Variants in PDE1C observed in about 807,000 individuals in gnomAD.
PDE1C encodes the protein phosphodiesterase 1C, also known as dual specificity calcium/calmodulin-dependent 3',5'-cyclic nucleotide phosphodiesterase 1C.
Under a neutral mutation model 93.1 loss-of-function variants are expected in PDE1C, and 62 were observed. The observed-to-expected ratio is 0.67, with a 90% confidence interval of 0.54 to 0.82. PDE1C has a LOEUF of 0.82. Ranked by LOEUF, PDE1C falls within the 40% of genes least tolerant of loss-of-function variation. The pLI, the probability that PDE1C is intolerant of heterozygous loss-of-function variation, is 0.00. For missense variants in PDE1C, 742 were observed against 884.6 expected, an observed-to-expected ratio of 0.84 and a Z score of 2.04; for synonymous variants, 325 against 310.1, an observed-to-expected ratio of 1.05 and a Z score of -0.50.
chr7:32,177,281 C>G (rs10239506), intron 2 of PDE1C, among the ~76,000 whole-genome samples: 86,402 of 151,916 alleles, frequency 0.57, 24,809 homozygotes, highest in South Asian at 0.64. Context: ...GAGGAGAACA[C>G]GGAGAGTAAA....
chr7:31,854,266 C>A (rs574801854), intron 7 of PDE1C, among the ~76,000 whole-genome samples: 1 of 152,114 alleles, frequency 6.6e-6, no homozygotes, highest in Non-Finnish European at 1.5e-5. Flanking sequence ...GTGGGAGAAG[C>A]TATTTTGGAG....
At chr7:31,937,569 G>GT (rs1277607073) in intron 2 of PDE1C, among the ~76,000 whole-genome samples, 1 of 152,142 alleles carries the variant, frequency 6.6e-6, no homozygotes, top group East Asian at 1.9e-4. Flanking sequence ...CCAAGAGGAA[G>GT]ATCCATTCTT....
At chr7:32,125,077 CA>C (rs2128767067) in intron 3 of PDE1C, among the ~76,000 whole-genome samples, 1 of 152,184 alleles carries the variant, frequency 6.6e-6, no homozygotes, top group African/African-American at 2.4e-5. Flanking sequence ...AGACACTTTG[CA>C]AAAGAAGACA....
rs367941452 is a variant in PDE1C, at chr7:31,850,711, T to C, written c.781A>G (p.Ile261Val). The C allele has an allele frequency of 1.5e-5, 24 of 1,613,152 alleles. No individual in the cohort carries two copies. Among genetic ancestry groups the C allele is most frequent in the East Asian group, 2.2e-5 (1 of 44,842 alleles). Residue 261 changes from isoleucine (I) to valine (V), a missense_variant, in exon 8 of 18, where the codon ATA becomes GTA. Transcript: ENST00000396191. ...NWLTELEIFA[I>V]IFSAAIHDYE... ...TCATGGATGGCAGCTGAGAAGATTA[T>C]AGCAAAGATCTCCAGCTCCGTCAGC...
intron 2 of PDE1C, among the ~76,000 whole-genome samples, chr7:31,997,019 G>C (rs1485675536): frequency 6.6e-6 from 1 of 152,122 alleles, no homozygotes; most frequent in Non-Finnish European, 1.5e-5. Flanking sequence ...CAGAAAGATA[G>C]GTCTCTCTGG....
intron 17 of PDE1C, 120 bp from the exon 18 acceptor site, chr7:31,753,673 C>A (rs1009235609): frequency 1.5e-6 from 2 of 1,369,844 alleles, no homozygotes; most frequent in Non-Finnish European, 1.9e-6. Flanking sequence ...AGGAAAGAAG[C>A]AGTTTGGATT....
Position 31,753,249 on chromosome 7 carries a change from C to T in PDE1C, c.*135G>A. The T allele has an allele frequency of 2.8e-6, 3 of 1,071,016 alleles. No homozygotes were observed. The highest frequency in any genetic ancestry group is 3.9e-5 in the South Asian group (2 of 51,878). 66.3% of individuals were successfully genotyped at this position (1,071,016 alleles called of 1,614,324 possible). On this transcript the variant is annotated 3_prime_UTR_variant, in exon 18 of 18. Coordinates refer to ENST00000396191, the MANE Select transcript of PDE1C (RefSeq NM_001191057.4). Reference sequence around the variant, plus strand: ...AAATCACATACAACTTTCATTTCACCTTGGTGGAGTCAACCAGGATAGTAC... The same window carrying T: ...AAATCACATACAACTTTCATTTCACTTTGGTGGAGTCAACCAGGATAGTAC...
chr7:31,638,388 G>A, the PDE1C span, among the ~76,000 whole-genome samples: 2 of 152,174 alleles, frequency 1.3e-5, no homozygotes, highest in Middle Eastern at 3.4e-3. Context: ...TGTAAAAGTC[G>A]CACATCAGAG....
At chr7:32,104,129 T>A (rs1798174351) in intron 3 of PDE1C, among the ~76,000 whole-genome samples, 1 of 152,086 alleles carries the variant, frequency 6.6e-6, no homozygotes, top group African/African-American at 2.4e-5. Context: ...AGAGGAATAG[T>A]GCAGTAACAT....
chr7:32,187,246 A>C (rs1030876526), intron 2 of PDE1C, among the ~76,000 whole-genome samples: 2 of 151,996 alleles, frequency 1.3e-5, no homozygotes, highest in African/African-American at 4.8e-5. Flanking sequence ...CTCCTGCCTC[A>C]GTCTCTCAAG....
intron 2 of PDE1C, among the ~76,000 whole-genome samples, chr7:32,187,557 A>G (rs1271559138): frequency 1.3e-5 from 2 of 150,448 alleles, no homozygotes; most frequent in African/African-American, 2.5e-5. Flanking sequence ...CTGTTTTCTA[A>G]TTTTATGTCC....
chr7:32,394,468 G>A (rs1386098961), intron 1 of PDE1C, among the ~76,000 whole-genome samples: 1 of 152,208 alleles, frequency 6.6e-6, no homozygotes, highest in Non-Finnish European at 1.5e-5. Context: ...CATTCTCACA[G>A]GATTAAGTGA....
At chr7:32,327,220 C>T (rs562928790) in intron 1 of PDE1C, among the ~76,000 whole-genome samples, 2 of 152,188 alleles carry the variant, frequency 1.3e-5, no homozygotes, top group Admixed American at 1.3e-4. Flanking sequence ...CTGCAATACT[C>T]TCTCACTTTC....
chr7:32,277,201 A>C (rs7778749), intron 1 of PDE1C, among the ~76,000 whole-genome samples: 17,683 of 152,212 alleles, frequency 0.12, 1,113 homozygotes, highest in East Asian at 0.15. Flanking sequence ...TTGAGCCATG[A>C]TCATGCCACT....
the PDE1C span, among the ~76,000 whole-genome samples, chr7:31,669,246 CTCTTT>C: frequency 2.3e-4 from 35 of 152,046 alleles, no homozygotes; most frequent in African/African-American, 8.2e-4. Flanking sequence ...TTTTTTTCTT[CTCTTT>C]TTTCTTTTTC....
chr7:32,305,541 T>C (rs1212743973), intron 1 of PDE1C, among the ~76,000 whole-genome samples: 1 of 152,222 alleles, frequency 6.6e-6, no homozygotes, highest in East Asian at 1.9e-4. Flanking sequence ...CCTTGACTCA[T>C]CCAAATCTGA....
At chr7:31,848,456 T>C (rs1792903148) in intron 8 of PDE1C, among the ~76,000 whole-genome samples, 1 of 152,166 alleles carries the variant, frequency 6.6e-6, no homozygotes, top group East Asian at 1.9e-4. Flanking sequence ...TTTTTATTTT[T>C]ATTTTATTCA....
intron 6 of PDE1C, among the ~76,000 whole-genome samples, chr7:31,867,707 A>G (rs572557228): frequency 1.3e-5 from 2 of 152,282 alleles, no homozygotes; most frequent in East Asian, 3.9e-4. Flanking sequence ...CTGGCTCCTG[A>G]GCAAGCCACC....
At chr7:31,973,342 C>A (rs1383034414) in intron 2 of PDE1C, among the ~76,000 whole-genome samples, 1 of 152,010 alleles carries the variant, frequency 6.6e-6, no homozygotes, top group East Asian at 1.9e-4. Context: ...AACAAACCTG[C>A]AGATTTAAGA....
Sources: allele counts gnomAD v4.1 joint callset (sites outside exome capture counted in the v4.1 genomes callset), GRCh38; gene constraint gnomAD v4.1.1; transcripts MANE v1.5; gene names NCBI Gene and HGNC (gene_info 2026-07-23, HGNC 2026-07-21).